PCDHGA5: variants seen among roughly 807,000 people sequenced by gnomAD.
PCDHGA5 encodes the protein protocadherin gamma-A5.
Under a neutral mutation model 56.7 loss-of-function variants are expected in PCDHGA5, and 36 were observed. The ratio of observed to expected loss-of-function variants is 0.64; its 90% CI spans 0.49 to 0.84. The LOEUF (loss-of-function observed/expected upper bound fraction) is 0.84. Ranked by LOEUF, PCDHGA5 falls within the 40% of genes least tolerant of loss-of-function variation. The probability of loss-of-function intolerance (pLI) is 0.00; values close to 1 mark genes in which losing one functional copy is unlikely to be tolerated. For missense variants in PCDHGA5, 1,305 were observed against 1,201.5 expected, an observed-to-expected ratio of 1.09 and a Z score of -1.27; for synonymous variants, 563 against 520.2, an observed-to-expected ratio of 1.08 and a Z score of -1.12.
chr5:141,474,608 T>C (rs1469173973), intron 1 of PCDHGA5, among the ~76,000 whole-genome samples: 1 of 152,268 alleles, frequency 6.6e-6, no homozygotes, highest in Non-Finnish European at 1.5e-5. Flanking sequence ...AGGTCACATA[T>C]GGCTTTTCAT....
Position 141,491,095 on chromosome 5 carries a change from T to C in PCDHGA5, c.2422-3712T>C, listed in dbSNP as rs1366401829. On this transcript the variant is annotated intron_variant, in intron 1 of 3. Coordinates refer to ENST00000518069, the MANE Select transcript of PCDHGA5 (RefSeq NM_018918.3). The surrounding 1 kb of genome is among the most constrained non-coding windows in gnomAD (Gnocchi z 6.9). ...GCCACAGTCCACAGCCCCAGGACTG[T>C]TCCTCGTGTCTACACACACTGGTGA... The C allele has an allele frequency of 3.7e-6, 6 of 1,614,154 alleles. No homozygotes were observed. The highest frequency in any genetic ancestry group is 4.2e-6 in the Non-Finnish European group (5 of 1,180,014).
At chr5:141,446,798 T>C (rs1223789118) in intron 1 of PCDHGA5, among the ~76,000 whole-genome samples, 1 of 152,160 alleles carries the variant, frequency 6.6e-6, no homozygotes, top group Non-Finnish European at 1.5e-5. Flanking sequence ...AGTTCTTCCA[T>C]TGTGATCATC....
rs200580042 is a variant in PCDHGA5 at position 141,486,553 on chromosome 5, T to C, written c.2422-8254T>C. 5.4e-5 allele frequency: 87 copies of C among 1,614,028 alleles called. No individual in the cohort carries two copies. The highest frequency in any genetic ancestry group is 7.2e-5 in the Non-Finnish European group (85 of 1,180,046). On this transcript the variant is annotated intron_variant, in intron 1 of 3. Coordinates refer to ENST00000518069, the MANE Select transcript of PCDHGA5 (RefSeq NM_018918.3). The surrounding 1 kb of genome is among the most constrained non-coding windows in gnomAD (Gnocchi z 5.0). ...CACCCTCTTTCTTTCAGAGGTCACA[T>C]GAGGTGTTTGTTCCTGAGAACAATC...
intron 1 of PCDHGA5, among the ~76,000 whole-genome samples, chr5:141,425,103 A>G (rs894147422): frequency 1.3e-5 from 2 of 152,202 alleles, no homozygotes; most frequent in Non-Finnish European, 2.9e-5. Flanking sequence ...CTTCCAACAG[A>G]TGCCTACATT....
chr5:141,497,796 TC>T (rs1251163385), intron 2 of PCDHGA5, among the ~76,000 whole-genome samples: 2 of 152,160 alleles, frequency 1.3e-5, no homozygotes, highest in African/African-American at 2.4e-5. Context: ...TGCTTCAGCT[TC>T]CCAAAGTGCT....
chr5:141,382,869 T>C (rs887588063), intron 1 of PCDHGA5: 1 of 1,519,592 alleles, frequency 6.6e-7, no homozygotes, highest in Non-Finnish European at 8.8e-7. Flanking sequence ...CTTCCCGAGA[T>C]CGGCGCCTAA....
At chr5:141,413,299 G>T in intron 1 of PCDHGA5, 1 of 1,613,966 alleles carries the variant, frequency 6.2e-7, no homozygotes, top group Non-Finnish European at 8.5e-7. Flanking sequence ...AATTCCTGAG[G>T]AATTAGAGAA....
At chr5:141,388,569 C>T (rs368780854) in intron 1 of PCDHGA5, 7 of 1,613,862 alleles carry the variant, frequency 4.3e-6, no homozygotes, top group African/African-American at 1.3e-5. Context: ...TGCACAGATA[C>T]ACGTTCTAGT....
At chr5:141,451,124 A>T (rs2098707796) in intron 1 of PCDHGA5, among the ~76,000 whole-genome samples, 1 of 152,102 alleles carries the variant, frequency 6.6e-6, no homozygotes, top group Non-Finnish European at 1.5e-5. Context: ...CACCACACCC[A>T]GCCTTATGAT....
At chr5:141,413,513 T>C (rs1369472337) in intron 1 of PCDHGA5, 34 of 1,613,974 alleles carry the variant, frequency 2.1e-5, no homozygotes, top group Non-Finnish European at 2.9e-5. Context: ...TTTAATATCC[T>C]TGTGGAAGAC....
At position 141,364,409 on chromosome 5, in the gene PCDHGA5, G is replaced by A; in HGVS notation, c.79G>A (p.Gly27Arg). ...GCTCCTGGGGACGCTGTGCGAGCCAGGATCCGGGCAGATCCGCTACTCGAT... is the reference window on the plus strand; with the variant it reads ...GCTCCTGGGGACGCTGTGCGAGCCAAGATCCGGGCAGATCCGCTACTCGAT... ...FMLLGTLCEP[G>R]SGQIRYSMPE... The change falls in exon 1 of 4, where the codon GGA becomes AGA. Residue 27 changes from glycine to arginine, a missense_variant. Physicochemically the swap from Gly to Arg is moderately radical, Grantham distance 125 (BLOSUM62 -2). Transcript: ENST00000518069. 1 of 1,611,256 alleles carries A rather than the reference G, an allele frequency of 6.2e-7. No homozygotes were observed. The highest frequency in any genetic ancestry group is 8.5e-7 in the Non-Finnish European group (1 of 1,178,396).
chr5:141,502,470 G>A (rs1017558920), intron 2 of PCDHGA5, among the ~76,000 whole-genome samples: 5 of 150,916 alleles, frequency 3.3e-5, no homozygotes, highest in Admixed American at 2.6e-4. Flanking sequence ...AATACTTCCC[G>A]CAGCATCACA....
At chr5:141,389,887 A>G (rs1473090410) in intron 1 of PCDHGA5, 2 of 1,613,940 alleles carry the variant, frequency 1.2e-6, no homozygotes, top group East Asian at 2.2e-5. Context: ...AGCTTGCAGG[A>G]GGTGCTGCCG....
chr5:141,421,861 C>T, intron 1 of PCDHGA5: 2 of 1,613,738 alleles, frequency 1.2e-6, no homozygotes, highest in South Asian at 2.2e-5. Flanking sequence ...TCACCTGCTC[C>T]TCCTCACAGC....
intron 1 of PCDHGA5, chr5:141,388,401 A>C: frequency 6.2e-7 from 1 of 1,614,026 alleles, no homozygotes; most frequent in East Asian, 2.2e-5. Context: ...TTACCAACTC[A>C]GTCCCAGTGA....
At chr5:141,498,012 A>T (rs184213306) in intron 2 of PCDHGA5, among the ~76,000 whole-genome samples, 6 of 152,348 alleles carry the variant, frequency 3.9e-5, no homozygotes, top group Non-Finnish European at 8.8e-5. Context: ...CAGTGCACTG[A>T]AGGAGACAAA....
At chr5:141,403,365 T>C in intron 1 of PCDHGA5, 1 of 1,614,024 alleles carries the variant, frequency 6.2e-7, no homozygotes, top group Non-Finnish European at 8.5e-7. Flanking sequence ...GCCGAAAGTC[T>C]GGAAGTAAAA....
chr5:141,460,741 A>C (rs1378900827), intron 1 of PCDHGA5, among the ~76,000 whole-genome samples: 1 of 152,128 alleles, frequency 6.6e-6, no homozygotes, highest in African/African-American at 2.4e-5. Flanking sequence ...CACATTGTAT[A>C]TATATGTGTA....
intron 1 of PCDHGA5, chr5:141,376,162 G>A (rs1480360111): frequency 1.2e-6 from 2 of 1,614,084 alleles, no homozygotes; most frequent in African/African-American, 1.3e-5. Flanking sequence ...CTCTGTACCT[G>A]GTGGTGGCGG....
Sources: gnomAD v4.1 joint callset for allele counts (sites outside exome capture counted in the v4.1 genomes callset) on GRCh38, gnomAD v4.1.1 for gene constraint, Gnocchi (gnomAD v3.1) non-coding constraint, MANE v1.5 for transcripts, NCBI Gene and HGNC (gene_info 2026-07-23, HGNC 2026-07-21) for gene names.